EPHB6: variants seen among roughly 807,000 people sequenced by gnomAD.
EPHB6 encodes ephrin type-B receptor 6.
Under a neutral mutation model 107.0 loss-of-function variants are expected in EPHB6, and 51 were observed. That is an observed-to-expected ratio of 0.48 (90% CI 0.38 to 0.60). The LOEUF (loss-of-function observed/expected upper bound fraction) is 0.60. EPHB6 is among the 20% of genes least tolerant of loss of function. The pLI, the probability that EPHB6 is intolerant of heterozygous loss-of-function variation, is 0.00. For missense variants in EPHB6, 1,141 were observed against 1,355.5 expected, an observed-to-expected ratio of 0.84 and a Z score of 2.48; for synonymous variants, 553 against 549.0, an observed-to-expected ratio of 1.01 and a Z score of -0.10.
intron 1 of EPHB6, among the ~76,000 whole-genome samples, chr7:142,856,631 A>G (rs1802622776): frequency 6.6e-6 from 1 of 151,950 alleles, no homozygotes; most frequent in Admixed American, 6.6e-5. Context: ...CAGGTTCTGG[A>G]GGGTTTGGGA....
rs140685177 is a variant in EPHB6, at chr7:142,868,699, C to T, written c.2246C>T (p.Thr749Met). The T allele has an allele frequency of 3.7e-5, 60 of 1,613,864 alleles. No individual in the cohort carries two copies. The highest frequency in any genetic ancestry group is 1.0e-4 in the Admixed American group (6 of 60,004). Residue 749 changes from threonine to methionine, a missense_variant, in exon 15 of 20, where the codon ACG becomes ATG. Thr to Met is a moderately conservative substitution (Grantham distance 81). This residue lies in a region of EPHB6 where 616 missense variants were observed against 759.3 expected (regional missense o/e 0.81). Coordinates refer to ENST00000652003, the MANE Select transcript of EPHB6 (RefSeq NM_004445.6). This position sits in a 1 kb window ranked among gnomAD's most constrained non-coding sequence, Gnocchi z 4.2. ...AAGAGCCGACCCCTCATGGTGCTGA[C>T]GGAGTTCATGGAGCTTGGCCCCCTG... ...VTKSRPLMVL[T>M]EFMELGPLDS... is the part of the protein sequence containing the mutation.
Position 142,864,021 on chromosome 7 carries a change from C to T in EPHB6, c.221C>T (p.Ala74Val), listed in dbSNP as rs1802984888. 1 of 1,614,070 alleles carries T rather than the reference C, an allele frequency of 6.2e-7. No individual in the cohort carries two copies. The highest frequency in any genetic ancestry group is 8.5e-7 in the Non-Finnish European group (1 of 1,180,050). ...DQRRLTRTFEACHVAGAPPGT... is the reference protein window; with the variant it reads ...DQRRLTRTFEVCHVAGAPPGT... ...CGACGCCTGACTCGGACCTTTGAGGCATGTCATGTGGCAGGGGCCCCTCCA... is the reference window on the plus strand; with the variant it reads ...CGACGCCTGACTCGGACCTTTGAGGTATGTCATGTGGCAGGGGCCCCTCCA... Residue 74 changes from alanine (A) to valine (V), a missense_variant, in exon 7 of 20, where the codon GCA (alanine) becomes GTA (valine). Physicochemically the swap from Ala to Val is moderately conservative, Grantham distance 64. This residue lies in a region of EPHB6 where 221 missense variants were observed against 300.5 expected (regional missense o/e 0.74). Transcript: ENST00000652003.
At chr7:142,870,095 AG>A (rs1794825802) in intron 17 of EPHB6, 118 bp from the exon 18 acceptor site, 1 of 1,580,780 alleles carries the variant, frequency 6.3e-7, no homozygotes, top group African/African-American at 1.3e-5. Context: ...CATATCTTTG[AG>A]TTCCTTCTCC....
In EPHB6 at chr7:142,870,634, T is replaced by G. The variant is rs747215267; in HGVS notation, c.2909T>G (p.Phe970Cys). ...GGACTGGAGTGCTACCAGGACAACT[T>G]CTCCAAGTTTGGCCTCTGTACCTTC... ...AIGLECYQDN[F>C]SKFGLCTFSD... Residue 970 changes from phenylalanine (F) to cysteine (C), a missense_variant, in exon 19 of 20, where the codon TTC (phenylalanine) becomes TGC (cysteine). Coordinates refer to ENST00000652003, the MANE Select transcript of EPHB6 (RefSeq NM_004445.6). 1 of 1,614,212 alleles carries G rather than the reference T, an allele frequency of 6.2e-7. No homozygotes were observed. The highest frequency in any genetic ancestry group is 8.5e-7 in the Non-Finnish European group (1 of 1,180,038).
At chr7:142,864,925 C>G (rs904920777) in intron 7 of EPHB6, among the ~76,000 whole-genome samples, 176 bp downstream of exon 7, 1 of 152,246 alleles carries the variant, frequency 6.6e-6, no homozygotes, top group African/African-American at 2.4e-5. Context: ...AACTTACTAT[C>G]ACCCACTCAT....
chr7:142,868,238 C>T lies in EPHB6; in HGVS notation c.1919-3C>T, dbSNP rs1176406610. The T allele has an allele frequency of 4.3e-6, 7 of 1,614,020 alleles. No individual in the cohort carries two copies. The highest frequency in any genetic ancestry group is 5.9e-6 in the Non-Finnish European group (7 of 1,180,012). ...GCTCATAACATACTCCACACCCCTC[C>T]AGGACTCGGGGTGAAGTATTACATC... is the stretch of plus-strand genomic sequence containing the variant. On this transcript the variant is annotated splice_region_variant and splice_polypyrimidine_tract_variant and intron_variant, in intron 13 of 19. Coordinates refer to ENST00000652003, the MANE Select transcript of EPHB6 (RefSeq NM_004445.6). The surrounding 1 kb of genome is among the most constrained non-coding windows in gnomAD (Gnocchi z 4.2).
chr7:142,857,466 G>C (rs1475346899), intron 1 of EPHB6, among the ~76,000 whole-genome samples: 1 of 152,208 alleles, frequency 6.6e-6, no homozygotes. Flanking sequence ...ACTGAGCAAG[G>C]ATTATACTGG....
chr7:142,869,986 C>G lies in EPHB6; in HGVS notation c.2610+20C>G. ...CAGGAGGTGAGCACTGACCTAGACA[C>G]TGCTGATTTCCCACCCCGATCCCTC... On this transcript the variant is annotated intron_variant, in intron 17 of 19. Coordinates refer to ENST00000652003, the MANE Select transcript of EPHB6 (RefSeq NM_004445.6). The surrounding 1 kb of genome is among the most constrained non-coding windows in gnomAD (Gnocchi z 4.5). The G allele has an allele frequency of 6.2e-7, 1 of 1,614,158 alleles. No individual in the cohort carries two copies. Among genetic ancestry groups the G allele is most frequent in the South Asian group, 1.1e-5 (1 of 91,078 alleles).
chr7:142,855,896 C>T lies in EPHB6; in HGVS notation c.-432+511C>T, dbSNP rs1802585434. 6.6e-6 allele frequency among the ~76,000 whole-genome samples: 1 copy of T among 152,178 alleles called. No homozygotes were observed. Among genetic ancestry groups the T allele is most frequent in the South Asian group, 2.1e-4 (1 of 4,838 alleles). ...TGGAGGTGGAAGGAACGCTTGGTTC[C>T]TGCTGCCCAGCCATCACCCCCAACG... is the stretch of plus-strand genomic sequence containing the variant. On this transcript the variant is annotated intron_variant, in intron 1 of 19. Coordinates refer to ENST00000652003, the MANE Select transcript of EPHB6 (RefSeq NM_004445.6). The surrounding 1 kb of genome is among the most constrained non-coding windows in gnomAD (Gnocchi z 4.2).
rs778072644 is a variant in EPHB6, at chr7:142,863,689, A to G, written c.159A>G (p.Pro53=). The G allele has an allele frequency of 1.2e-6, 2 of 1,613,282 alleles. No individual in the cohort carries two copies. Among genetic ancestry groups the G allele is most frequent in the East Asian group, 2.2e-5 (1 of 44,848 alleles). The change falls in exon 6 of 20, where the codon CCA becomes CCG. Residue 53 remains proline, a synonymous_variant. Transcript: ENST00000652003. ...TSEIGWLTYP[P]GGWDEVSVLD... ...AGATTGGCTGGCTCACCTACCCACCAGGGGGGGTGAGTGCCACTCTAATTC... is the reference window on the plus strand; with the variant it reads ...AGATTGGCTGGCTCACCTACCCACCGGGGGGGGTGAGTGCCACTCTAATTC...
rs1430432636 is a variant in EPHB6, at chr7:142,869,749, T to C, written c.2461-68T>C. ...AAAACCCTTGGCATATCTGAGCACA[T>C]AGTAGTTGCTCAATAAACGTGACTA... On this transcript the variant is annotated intron_variant, in intron 16 of 19. Transcript: ENST00000652003. The surrounding 1 kb of genome is among the most constrained non-coding windows in gnomAD (Gnocchi z 4.5). The C allele has an allele frequency of 3.2e-6, 5 of 1,571,578 alleles. No homozygotes were observed. In the Admixed American group the frequency reaches 7.0e-5, roughly 22 times the overall value.
chr7:142,866,604 AG>A lies in EPHB6; in HGVS notation c.1587+1del, dbSNP rs1301027030. The A allele has an allele frequency of 6.2e-7, 1 of 1,614,010 alleles. No individual in the cohort carries two copies. Among genetic ancestry groups the A allele is most frequent in the Non-Finnish European group, 8.5e-7 (1 of 1,180,014 alleles). On this transcript the variant is annotated frameshift_variant and splice_region_variant, in exon 10 of 20. Coordinates refer to ENST00000652003, the MANE Select transcript of EPHB6 (RefSeq NM_004445.6). LOFTEE classifies it high-confidence loss of function. The surrounding 1 kb of genome is among the most constrained non-coding windows in gnomAD (Gnocchi z 5.2). ...GACTATCAGCTCCGCTACTATGACC[AG>A]GTGCGCAGGAGGAGTGGGGGTTCCG... is the stretch of plus-strand genomic sequence containing the variant. ...ILDYQLRYYD[Q>X]AEDESHSFTL...
chr7:142,863,688 C>A lies in EPHB6; in HGVS notation c.158C>A (p.Pro53Gln). 1.2e-6 allele frequency: 2 copies of A among 1,613,720 alleles called. No individual in the cohort carries two copies. The highest frequency in any genetic ancestry group is 1.7e-6 in the Non-Finnish European group (2 of 1,179,780). ...TSEIGWLTYP[P>Q]GGWDEVSVLD... ...GAGATTGGCTGGCTCACCTACCCACCAGGGGGGGTGAGTGCCACTCTAATT... is the reference window on the plus strand; with the variant it reads ...GAGATTGGCTGGCTCACCTACCCACAAGGGGGGGTGAGTGCCACTCTAATT... The change falls in exon 6 of 20, where the codon CCA (proline) becomes CAA (glutamine). Residue 53 changes from proline (P) to glutamine (Q), a missense_variant. Around this residue, in one of 3 missense-constraint regions of EPHB6, gnomAD observed 221 missense variants for 300.5 expected, o/e 0.74. Coordinates refer to ENST00000652003, the MANE Select transcript of EPHB6 (RefSeq NM_004445.6).
rs2116423491 is a variant in EPHB6 at position 142,864,437 on chromosome 7, G to C, written c.637G>C (p.Ala213Pro). The change falls in exon 7 of 20, where the codon GCC becomes CCC. Residue 213 changes from alanine to proline, a missense_variant. Physicochemically the swap from Ala to Pro is conservative, Grantham distance 27. Around this residue, in one of 3 missense-constraint regions of EPHB6, gnomAD observed 221 missense variants for 300.5 expected, o/e 0.74. Coordinates refer to ENST00000652003, the MANE Select transcript of EPHB6 (RefSeq NM_004445.6). ...GPLTQRGFYV[A>P]FQDTGACLAL... ...TCTCACCCAACGCGGCTTCTACGTG[G>C]CCTTCCAGGACACGGGGGCCTGCCT... The C allele has an allele frequency of 6.2e-7, 1 of 1,612,160 alleles. No homozygotes were observed. Among genetic ancestry groups the C allele is most frequent in the Non-Finnish European group, 8.5e-7 (1 of 1,179,314 alleles).
At position 142,867,514 on chromosome 7, in the gene EPHB6, G is replaced by A; in HGVS notation, c.1751-94G>A. On this transcript the variant is annotated intron_variant, in intron 11 of 19. Transcript: ENST00000652003. The surrounding 1 kb of genome is among the most constrained non-coding windows in gnomAD (Gnocchi z 5.3). Reference sequence around the variant, plus strand: ...GGTTTGGGGCATGCGCGTGCATGTTGTGTGTGCCTGTGGTGTGTGTGGGTG... The same window carrying A: ...GGTTTGGGGCATGCGCGTGCATGTTATGTGTGCCTGTGGTGTGTGTGGGTG... 2 of 1,040,500 alleles carry A rather than the reference G, an allele frequency of 1.9e-6. No individual in the cohort carries two copies. Among genetic ancestry groups the A allele is most frequent in the Non-Finnish European group, 1.5e-6 (1 of 686,320 alleles). The allele number at this position is 1,040,500 out of a possible 1,614,324, so 64.5% of individuals were successfully genotyped here. A position where few individuals can be genotyped will look rare whatever the true frequency, so the allele number is the denominator to read the frequency against.
Position 142,862,975 on chromosome 7 carries a change from T to A in EPHB6, c.-102+142T>A, listed in dbSNP as rs891525518. 5.4e-6 allele frequency: 3 copies of A among 553,996 alleles called. No individual in the cohort carries two copies. In the African/African-American group the frequency reaches 5.6e-5, roughly 10 times the overall value. 34.3% of individuals were successfully genotyped at this position (553,996 alleles called of 1,614,324 possible). On this transcript the variant is annotated intron_variant, in intron 4 of 19. Transcript: ENST00000652003. Reference sequence around the variant, plus strand: ...GTGCACCGGCTCAGGAGAGGCAGTATGCAACCTGGCTTCTGTCCCATGGTG... The same window carrying A: ...GTGCACCGGCTCAGGAGAGGCAGTAAGCAACCTGGCTTCTGTCCCATGGTG...
chr7:142,863,907 C>G, intron 6 of EPHB6, 59 bp from the exon 7 acceptor site: 1 of 1,611,314 alleles, frequency 6.2e-7, no homozygotes, highest in Non-Finnish European at 8.5e-7. Flanking sequence ...TCCCTATAAC[C>G]TCTACCTCGC....
chr7:142,864,135 G>C lies in EPHB6; in HGVS notation c.335G>C (p.Arg112Pro), dbSNP rs758452768. Residue 112 changes from arginine (R) to proline (P), a missense_variant, in exon 7 of 20, where the codon CGG becomes CCG. By Grantham distance (103) the Arg-to-Pro change is moderately radical (BLOSUM62 -2). This residue lies in a region of EPHB6 where 221 missense variants were observed against 300.5 expected (regional missense o/e 0.74). Transcript: ENST00000652003. ...CACATTCGACTCCACTTCTCTGTGC[G>C]GGCATGCTCCAGCCTGGGTGTGAGC... ...RAHIRLHFSV[R>P]ACSSLGVSGG... 2 of 1,614,030 alleles carry C rather than the reference G, an allele frequency of 1.2e-6. No homozygotes were observed. Among genetic ancestry groups the C allele is most frequent in the Non-Finnish European group, 1.7e-6 (2 of 1,180,042 alleles).
rs1794704373 is a variant in EPHB6, at chr7:142,868,104, T to C, written c.1918+55T>C. 9 of 1,613,432 alleles carry C rather than the reference T, an allele frequency of 5.6e-6. No homozygotes were observed. The highest frequency in any genetic ancestry group is 7.6e-6 in the Non-Finnish European group (9 of 1,179,666). ...CTGGGGAACACATGGGTGGGGCACATGGCAGGCAAGGCTGGATCCCCCCAA... is the reference window on the plus strand; with the variant it reads ...CTGGGGAACACATGGGTGGGGCACACGGCAGGCAAGGCTGGATCCCCCCAA... On this transcript the variant is annotated intron_variant, in intron 13 of 19. Transcript: ENST00000652003. The surrounding 1 kb of genome is among the most constrained non-coding windows in gnomAD (Gnocchi z 4.2).
Sources: gnomAD v4.1 joint callset for allele counts (sites outside exome capture counted in the v4.1 genomes callset) on GRCh38, gnomAD v4.1.1 for gene constraint, gnomAD v4.1.1 regional missense constraint, Gnocchi (gnomAD v3.1) non-coding constraint, MANE v1.5 for transcripts, NCBI Gene and HGNC (gene_info 2026-07-23, HGNC 2026-07-21) for gene names.